Variants in ANKS1B observed in about 807,000 individuals in gnomAD.
ANKS1B encodes the protein ankyrin repeat and sterile alpha motif domain containing 1B, also known as ankyrin repeat and sterile alpha motif domain-containing protein 1B.
Under a neutral mutation model 148.3 loss-of-function variants are expected in ANKS1B, and 36 were observed. The ratio of observed to expected loss-of-function variants is 0.24; its 90% CI spans 0.19 to 0.32. The LOEUF (loss-of-function observed/expected upper bound fraction) is 0.32, where lower values mean the gene tolerates loss of function less well. Among genes scored for constraint, ANKS1B ranks in the 10% least tolerant of loss-of-function variants. The probability of loss-of-function intolerance (pLI) is 1.00; values close to 1 mark genes in which losing one functional copy is unlikely to be tolerated. For synonymous variants in ANKS1B, 542 were observed against 560.8 expected (o/e 0.97, Z 0.47); for missense variants, 1,157 against 1,542.6 (o/e 0.75, Z 4.19).
At chr12:99,942,516 C>T (rs553982402) in intron 1 of ANKS1B, among the ~76,000 whole-genome samples, 3 of 151,698 alleles carry the variant, frequency 2.0e-5, no homozygotes, top group Admixed American at 2.0e-4. Context: ...TGAGGGACAA[C>T]AGAAGGAAGA....
chr12:99,034,795 C>T (rs1051598784), intron 17 of ANKS1B, among the ~76,000 whole-genome samples: 7 of 152,164 alleles, frequency 4.6e-5, no homozygotes, highest in African/African-American at 1.7e-4. Context: ...ACTTTTTGAA[C>T]ATCTTCTATG....
chr12:99,754,233 TTAAAC>T (rs1460950083), intron 8 of ANKS1B, among the ~76,000 whole-genome samples: 1 of 151,882 alleles, frequency 6.6e-6, no homozygotes, highest in African/African-American at 2.4e-5. Flanking sequence ...AAAACAGACT[TTAAAC>T]TAACAAAGAT....
chr12:99,054,024 G>C (rs555274891), intron 16 of ANKS1B, among the ~76,000 whole-genome samples: 2 of 152,332 alleles, frequency 1.3e-5, no homozygotes, highest in African/African-American at 4.8e-5. Context: ...GAGTGTGAAA[G>C]TAATTTAAGC....
chr12:99,766,515 T>C (rs1012850993), intron 8 of ANKS1B, among the ~76,000 whole-genome samples: 2 of 152,146 alleles, frequency 1.3e-5, no homozygotes, highest in Admixed American at 6.5e-5. Flanking sequence ...GTACCTACAG[T>C]ACATACGTGT....
intron 14 of ANKS1B, among the ~76,000 whole-genome samples, chr12:99,211,326 GGA>G (rs1199681558): frequency 6.6e-6 from 1 of 152,296 alleles, no homozygotes; most frequent in Non-Finnish European, 1.5e-5. Flanking sequence ...CAAGAAACCA[GGA>G]GAGTGAGAGA....
intron 12 of ANKS1B, among the ~76,000 whole-genome samples, chr12:99,334,333 T>A (rs1048439026): frequency 6.6e-6 from 1 of 152,056 alleles, no homozygotes; most frequent in African/African-American, 2.4e-5. Flanking sequence ...TTAGAAACAT[T>A]CATGCTTTAA....
intron 22 of ANKS1B, among the ~76,000 whole-genome samples, chr12:98,787,142 A>G (rs915499193): frequency 6.6e-6 from 1 of 152,248 alleles, no homozygotes; most frequent in African/African-American, 2.4e-5. Flanking sequence ...TAAAAAACAT[A>G]CACAAAATAA....
chr12:99,173,064 T>C (rs1370819764), intron 14 of ANKS1B, among the ~76,000 whole-genome samples: 2 of 152,172 alleles, frequency 1.3e-5, no homozygotes, highest in African/African-American at 4.8e-5. Flanking sequence ...AAAGAACTCA[T>C]CAGGAAACTC....
intron 8 of ANKS1B, among the ~76,000 whole-genome samples, chr12:99,661,684 A>G (rs2098478225): frequency 6.6e-6 from 1 of 152,110 alleles, no homozygotes; most frequent in South Asian, 2.1e-4. Flanking sequence ...TCATCTCCCA[A>G]TATACAGTCC....
intron 8 of ANKS1B, among the ~76,000 whole-genome samples, chr12:99,666,838 C>T (rs545312080): frequency 2.7e-5 from 4 of 148,838 alleles, no homozygotes; most frequent in African/African-American, 5.0e-5. Flanking sequence ...ATCTCCATCA[C>T]GTCATATAGT....
chr12:98,919,835 G>T (rs763760890), intron 17 of ANKS1B, among the ~76,000 whole-genome samples: 2 of 152,050 alleles, frequency 1.3e-5, no homozygotes, highest in South Asian at 2.1e-4. Context: ...AATTGTTAGG[G>T]GCTGCAATGC....
chr12:99,588,513 T>A (rs2153233203), intron 9 of ANKS1B, among the ~76,000 whole-genome samples: 1 of 151,734 alleles, frequency 6.6e-6, no homozygotes, highest in Admixed American at 6.6e-5. Context: ...ACCTCCCGGG[T>A]TCATGCTATT....
intron 9 of ANKS1B, among the ~76,000 whole-genome samples, chr12:99,616,984 T>C (rs2097972892): frequency 6.6e-6 from 1 of 151,180 alleles, no homozygotes; most frequent in East Asian, 1.9e-4. Context: ...GGGTAAAGGA[T>C]AGGAAAAGAT....
chr12:99,069,177 G>A (rs1044482829), intron 16 of ANKS1B, among the ~76,000 whole-genome samples: 1 of 152,152 alleles, frequency 6.6e-6, no homozygotes, highest in Non-Finnish European at 1.5e-5. Flanking sequence ...CAGACGTTAT[G>A]CCTCTGGAGT....
intron 1 of ANKS1B, among the ~76,000 whole-genome samples, chr12:99,870,171 C>G (rs2091319706): frequency 6.6e-6 from 1 of 152,144 alleles, no homozygotes; most frequent in South Asian, 2.1e-4. Flanking sequence ...TTAGCTCCCA[C>G]CTATAAGTGA....
intron 1 of ANKS1B, among the ~76,000 whole-genome samples, chr12:99,837,442 CA>C (rs2085034478): frequency 6.6e-6 from 1 of 152,098 alleles, no homozygotes; most frequent in Non-Finnish European, 1.5e-5. Flanking sequence ...CAGACCTTTC[CA>C]AATACTTGGG....
chr12:99,690,432 C>T (rs984752341), intron 8 of ANKS1B, among the ~76,000 whole-genome samples: 15 of 152,154 alleles, frequency 9.9e-5, no homozygotes, highest in African/African-American at 3.6e-4. Flanking sequence ...TGAGACAAGG[C>T]AAGTCCCTTC....
intron 12 of ANKS1B, among the ~76,000 whole-genome samples, chr12:99,265,539 C>G (rs1326895183): frequency 6.6e-6 from 1 of 152,134 alleles, no homozygotes; most frequent in Non-Finnish European, 1.5e-5. Flanking sequence ...CTCTACTGAT[C>G]ACGAGTTAGG....
At chr12:98,911,432 C>G (rs1347510278) in intron 17 of ANKS1B, among the ~76,000 whole-genome samples, 1 of 152,120 alleles carries the variant, frequency 6.6e-6, no homozygotes, top group Non-Finnish European at 1.5e-5. Context: ...CAAATCTTTC[C>G]CCAAATATTT....
Sources: gnomAD v4.1 joint callset for allele counts (sites outside exome capture counted in the v4.1 genomes callset) on GRCh38, gnomAD v4.1.1 for gene constraint, MANE v1.5 for transcripts, NCBI Gene and HGNC (gene_info 2026-07-23, HGNC 2026-07-21) for gene names.